HMGXB3: variants seen among roughly 807,000 people sequenced by gnomAD.
HMGXB3 encodes the protein HMG domain-containing protein 3.
A neutral mutation model predicts 121.5 loss-of-function variants in HMGXB3; 45 were observed. The observed-to-expected ratio is 0.37, with a 90% CI of 0.29 to 0.47. The LOEUF (loss-of-function observed/expected upper bound fraction) is 0.47, where lower values mean the gene tolerates loss of function less well. Ranked by LOEUF, HMGXB3 falls within the 20% of genes least tolerant of loss-of-function variation. The pLI is 0.99. For synonymous variants in HMGXB3, 590 were observed against 624.1 expected (o/e 0.95, Z 0.81); for missense variants, 1,376 against 1,602.2 (o/e 0.86, Z 2.41).
intron 9 of HMGXB3, among the ~76,000 whole-genome samples, chr5:150,029,586 C>T (rs1463465654): frequency 1.3e-5 from 2 of 152,106 alleles, no homozygotes; most frequent in Non-Finnish European, 2.9e-5. Context: ...TATATGCAGT[C>T]ACTTTTTTTT....
rs367831679 is a variant in HMGXB3, at chr5:150,052,111, C to T, written c.3798C>T (p.Leu1266=). Residue 1266 remains leucine, a synonymous_variant, in exon 20 of 20, where the codon CTC becomes CTT. Coordinates refer to ENST00000502717, the MANE Select transcript of HMGXB3 (RefSeq NM_014983.3). ...GTGAGGTGGTCATTCGTGACACCCT[C>T]TACCGCCTTGGGGTTGCTCAGATCA... ...QPGEVVIRDT[L]YRLGVAQIKT... is the part of the protein sequence containing the mutation. 2.6e-4 allele frequency: 411 copies of T among 1,551,722 alleles called. No individual in the cohort carries two copies. The African/African-American group carries it at 4.9e-3, about 19-fold the overall frequency.
chr5:150,040,617 A>T, intron 13 of HMGXB3, 131 bp from the exon 14 acceptor site: 1 of 838,494 alleles, frequency 1.2e-6, no homozygotes, highest in Non-Finnish European at 1.8e-6. Context: ...GGCTCAAGCG[A>T]TCCTCCTGCC....
chr5:150,004,272 G>C (rs1240152846), intron 1 of HMGXB3, among the ~76,000 whole-genome samples: 3 of 152,100 alleles, frequency 2.0e-5, no homozygotes, highest in African/African-American at 7.2e-5. Context: ...TTATACATGA[G>C]AGAGAAAGCT....
chr5:150,017,246 T>A (rs770980974), intron 5 of HMGXB3, among the ~76,000 whole-genome samples: 1 of 152,232 alleles, frequency 6.6e-6, no homozygotes, highest in Non-Finnish European at 1.5e-5. Flanking sequence ...AATTTACTTA[T>A]GAAACTAACC....
intron 3 of HMGXB3, among the ~76,000 whole-genome samples, chr5:150,007,046 A>G (rs1473030419): frequency 6.6e-6 from 1 of 152,242 alleles, no homozygotes. Context: ...ACTAACTGCT[A>G]TCAGTTATAA....
rs1456572152 is a variant in HMGXB3, at chr5:150,012,296, C to G, written c.852C>G (p.Phe284Leu). 1.3e-6 allele frequency: 2 copies of G among 1,552,324 alleles called. No homozygotes were observed. Among genetic ancestry groups the G allele is most frequent in the South Asian group, 2.4e-5 (2 of 84,054 alleles). ...ESSSSAPATQ[F>L]IMLPLPAYSV... Reference sequence around the variant, plus strand: ...GCTCCTCTGCACCAGCCACACAGTTCATCATGTTGCCTCTGCCTGCCTACT... The same window carrying G: ...GCTCCTCTGCACCAGCCACACAGTTGATCATGTTGCCTCTGCCTGCCTACT... The change falls in exon 5 of 20, where the codon TTC (phenylalanine) becomes TTG (leucine). Residue 284 changes from phenylalanine to leucine, a missense_variant. By Grantham distance (22) the Phe-to-Leu change is conservative (BLOSUM62 0). This residue lies in a region of HMGXB3 where 1,116 missense variants were observed against 1,369.0 expected (regional missense o/e 0.82). Coordinates refer to ENST00000502717, the MANE Select transcript of HMGXB3 (RefSeq NM_014983.3).
intron 16 of HMGXB3, 52 bp downstream of exon 16, chr5:150,045,737 C>A: frequency 7.1e-7 from 1 of 1,405,740 alleles, no homozygotes; most frequent in Non-Finnish European, 9.9e-7. Flanking sequence ...AGTCAAGAGT[C>A]TGGGACATTG....
chr5:150,013,385 AC>A (rs1423188957), intron 5 of HMGXB3, among the ~76,000 whole-genome samples: 1 of 152,200 alleles, frequency 6.6e-6, no homozygotes, highest in Admixed American at 6.5e-5. Context: ...TTTCACTATT[AC>A]TCAAATTTTA....
Position 150,051,606 on chromosome 5 carries a change from A to G in HMGXB3, c.3412-119A>G, listed in dbSNP as rs74801715. 3,424 of 803,936 alleles carry G rather than the reference A, an allele frequency of 4.3e-3. 75 individuals carry two copies. In the African/African-American group the frequency reaches 0.054, roughly 13 times the overall value. 49.8% of individuals were successfully genotyped at this position (803,936 alleles called of 1,614,324 possible). A position where few individuals can be genotyped will look rare whatever the true frequency, so the allele number is the denominator to read the frequency against. Reference sequence around the variant, plus strand: ...GGGCAGGGGTTGGCCTAGGAGACACAGTACATGGTGATGTTAGGATTCAAA... The same window carrying G: ...GGGCAGGGGTTGGCCTAGGAGACACGGTACATGGTGATGTTAGGATTCAAA... On this transcript the variant is annotated intron_variant, in intron 19 of 19. Transcript: ENST00000502717.
chr5:150,051,852 A>G lies in HMGXB3; in HGVS notation c.3539A>G (p.Asn1180Ser), dbSNP rs902883039. ...RRIVHAGLQPNPGDPSAGHHS... is the reference protein window; with the variant it reads ...RRIVHAGLQPSPGDPSAGHHS... ...ATCGTCCATGCAGGCCTACAGCCCA[A>G]TCCTGGTGACCCCAGTGCTGGGCAC... Residue 1180 changes from asparagine (N) to serine (S), a missense_variant, in exon 20 of 20, where the codon AAT becomes AGT. This residue lies in a region of HMGXB3 where 260 missense variants were observed against 233.2 expected (regional missense o/e 1.11). Coordinates refer to ENST00000502717, the MANE Select transcript of HMGXB3 (RefSeq NM_014983.3). 6.4e-6 allele frequency: 10 copies of G among 1,550,886 alleles called. No homozygotes were observed. Among genetic ancestry groups the G allele is most frequent in the African/African-American group, 4.1e-5 (3 of 73,180 alleles).
chr5:150,021,638 T>A, intron 6 of HMGXB3: 1 of 521,394 alleles, frequency 1.9e-6, no homozygotes, highest in Non-Finnish European at 3.8e-6. Context: ...TGCTTAACAA[T>A]CTCAGAAGGA....
Position 150,040,732 on chromosome 5 carries a change from T to C in HMGXB3, c.2414-16T>C. 1 of 1,548,168 alleles carries C rather than the reference T, an allele frequency of 6.5e-7. No homozygotes were observed. The highest frequency in any genetic ancestry group is 2.4e-5 in the East Asian group (1 of 40,892). On this transcript the variant is annotated splice_polypyrimidine_tract_variant and intron_variant, in intron 13 of 19. Transcript: ENST00000502717. The stretch of plus-strand genomic sequence containing the variant: ...ATGATACATTAATTTCCTTGTTGCC[T>C]CTTCTTAACCTGCAGGTCTCTTTAA...
rs563416787 is a variant in HMGXB3 at position 150,044,740 on chromosome 5, A to G, written c.2731-726A>G. Among the ~76,000 whole-genome samples, 21 of 152,332 alleles carry G rather than the reference A, an allele frequency of 1.4e-4. No individual in the cohort carries two copies. In the East Asian group the frequency reaches 3.9e-3, roughly 28 times the overall value. ...GTTCATACAGCTCAAGATGTGGCCA[A>G]GGTTTTTACATTTCTAATAAGTAAG... On this transcript the variant is annotated intron_variant, in intron 15 of 19. Coordinates refer to ENST00000502717, the MANE Select transcript of HMGXB3 (RefSeq NM_014983.3).
In HMGXB3 at chr5:150,010,659, G is replaced by C. The variant is rs17110810; in HGVS notation, c.810+51G>C. Reference sequence around the variant, plus strand: ...TTGGCTTTGTCTGGAGTTACTTAAAGGGCAGCTAGCACCATACAGTGTGAT... The same window carrying C: ...TTGGCTTTGTCTGGAGTTACTTAAACGGCAGCTAGCACCATACAGTGTGAT... On this transcript the variant is annotated intron_variant, in intron 4 of 19. Coordinates refer to ENST00000502717, the MANE Select transcript of HMGXB3 (RefSeq NM_014983.3). 5.4e-3 allele frequency: 8,111 copies of C among 1,499,778 alleles called. 406 individuals are homozygous for C. In the African/African-American group the frequency reaches 0.1, roughly 19 times the overall value. 92.9% of individuals were successfully genotyped at this position (1,499,778 alleles called of 1,614,324 possible).
chr5:150,002,257 G>GT (rs530959100), intron 1 of HMGXB3, among the ~76,000 whole-genome samples: 1 of 152,006 alleles, frequency 6.6e-6, no homozygotes, highest in East Asian at 1.9e-4. Context: ...GTAGTTGTTT[G>GT]TTTTTTTAAG....
chr5:150,011,109 C>G (rs114619785), intron 4 of HMGXB3, among the ~76,000 whole-genome samples: 2,029 of 152,230 alleles, frequency 0.013, 36 homozygotes, highest in African/African-American at 0.047. Context: ...ACTATTTCAG[C>G]AAACAATGGC....
rs1755807883 is a variant in HMGXB3, at chr5:150,010,612, A to G, written c.810+4A>G. 4 of 1,548,008 alleles carry G rather than the reference A, an allele frequency of 2.6e-6. No individual in the cohort carries two copies. The Admixed American group carries it at 5.9e-5, about 23-fold the overall frequency. ...ATCAGTGGTAACAGTCATGAGGGTA[A>G]GTGGCTTTGGTACTGAAGTCTTTGG... On this transcript the variant is annotated splice_donor_region_variant and intron_variant, in intron 4 of 19. Transcript: ENST00000502717.
chr5:150,050,381 G>A lies in HMGXB3; in HGVS notation c.3331G>A (p.Asp1111Asn), dbSNP rs889379574. 1.9e-6 allele frequency: 3 copies of A among 1,551,772 alleles called. No homozygotes were observed. In the Admixed American group the frequency reaches 5.9e-5, roughly 30 times the overall value. ...DMATSVALCADLCYPELTNQM... is the reference protein window; with the variant it reads ...DMATSVALCANLCYPELTNQM... ...GGCCACGTCAGTGGCCCTGTGTGCT[G>A]ACCTCTGCTACCCAGAGCTGACTAA... Residue 1111 changes from aspartate to asparagine, a missense_variant, in exon 19 of 20, where the codon GAC (aspartate) becomes AAC (asparagine). This residue lies in a region of HMGXB3 where 1,116 missense variants were observed against 1,369.0 expected (regional missense o/e 0.82). Coordinates refer to ENST00000502717, the MANE Select transcript of HMGXB3 (RefSeq NM_014983.3).
Position 150,050,295 on chromosome 5 carries a change from G to A in HMGXB3, c.3245G>A (p.Arg1082His), listed in dbSNP as rs778701903. The change falls in exon 19 of 20, where the codon CGT becomes CAT. Residue 1082 changes from arginine to histidine, a missense_variant. Physicochemically the swap from Arg to His is conservative, Grantham distance 29. Around this residue, in one of 2 missense-constraint regions of HMGXB3, gnomAD observed 1,116 missense variants for 1,369.0 expected, o/e 0.82. Transcript: ENST00000502717. ...TATCTTGTGCGAGGTGAGAGTGCCC[G>A]TGACCATGTGGACCTGCTTGCCTCT... ...SKYLVRGESA[R>H]DHVDLLASSR... The A allele has an allele frequency of 7.7e-6, 12 of 1,551,700 alleles. No individual in the cohort carries two copies. Among genetic ancestry groups the A allele is most frequent in the African/African-American group, 2.7e-5 (2 of 73,036 alleles).
Sources: gnomAD v4.1 joint callset for allele counts (sites outside exome capture counted in the v4.1 genomes callset) on GRCh38, gnomAD v4.1.1 for gene constraint, gnomAD v4.1.1 regional missense constraint, MANE v1.5 for transcripts, NCBI Gene and HGNC (gene_info 2026-07-23, HGNC 2026-07-21) for gene names.